The following NRG3 variants were observed in gnomAD, a reference collection of about 807,000 sequenced individuals.
The protein encoded by NRG3 is neuregulin 3.
A neutral mutation model predicts 66.9 loss-of-function variants in NRG3; 31 were observed. The observed-to-expected ratio is 0.46, with a 90% CI of 0.35 to 0.63. The LOEUF (loss-of-function observed/expected upper bound fraction) is 0.63, where lower values mean the gene tolerates loss of function less well. Among genes scored for constraint, NRG3 ranks in the 20% least tolerant of loss-of-function variants. NRG3 has a pLI of 0.00. For missense variants in NRG3, 910 were observed against 878.9 expected (o/e 1.04, Z -0.45); for synonymous variants, 393 against 359.4 (o/e 1.09, Z -1.06).
At chr10:82,624,448 A>G (rs867210206) in intron 2 of NRG3, among the ~76,000 whole-genome samples, 1 of 152,088 alleles carries the variant, frequency 6.6e-6, no homozygotes, top group Admixed American at 6.6e-5. Context: ...CCTTGTGGCA[A>G]AATCTAATGA....
chr10:82,686,043 C>T (rs1186515245), intron 2 of NRG3, among the ~76,000 whole-genome samples: 1 of 151,920 alleles, frequency 6.6e-6, no homozygotes, highest in South Asian at 2.1e-4. Context: ...CTTTTAATAC[C>T]GTGTACTCAG....
intron 2 of NRG3, among the ~76,000 whole-genome samples, chr10:82,374,109 T>G (rs1011075716): frequency 1.3e-5 from 2 of 152,228 alleles, no homozygotes; most frequent in African/African-American, 4.8e-5. Flanking sequence ...TCTCATTTTT[T>G]AGACGACAAA....
intron 2 of NRG3, among the ~76,000 whole-genome samples, chr10:82,534,511 C>A: frequency 6.6e-6 from 1 of 152,014 alleles, no homozygotes; most frequent in East Asian, 1.9e-4. Flanking sequence ...GTGATCCACC[C>A]ACCTCAGCCT....
intron 1 of NRG3, among the ~76,000 whole-genome samples, chr10:82,259,842 G>A (rs1410584438): frequency 6.6e-6 from 1 of 151,986 alleles, no homozygotes; most frequent in East Asian, 1.9e-4. Flanking sequence ...TGAGCGGGGA[G>A]GATCACTTGA....
intron 1 of NRG3, among the ~76,000 whole-genome samples, chr10:82,342,556 C>G (rs1286750513): frequency 6.6e-6 from 1 of 151,852 alleles, no homozygotes; most frequent in East Asian, 1.9e-4. Context: ...TTATTGGTTG[C>G]TTGTATGTTT....
chr10:81,929,612 A>G (rs1489458194), intron 1 of NRG3, among the ~76,000 whole-genome samples: 1 of 152,214 alleles, frequency 6.6e-6, no homozygotes, highest in Non-Finnish European at 1.5e-5. Flanking sequence ...GAAGTTGACT[A>G]CAATGTATTT....
At chr10:82,293,805 T>G (rs193129561) in intron 1 of NRG3, among the ~76,000 whole-genome samples, 1 of 152,276 alleles carries the variant, frequency 6.6e-6, no homozygotes, top group East Asian at 1.9e-4. Flanking sequence ...CCTCTTAATA[T>G]CTCGTAATTG....
chr10:82,626,769 A>C (rs1302717656), intron 2 of NRG3, among the ~76,000 whole-genome samples: 2 of 152,080 alleles, frequency 1.3e-5, no homozygotes, highest in Admixed American at 1.3e-4. Flanking sequence ...TTCCTGACTC[A>C]TGACAGTCAA....
chr10:82,699,077 A>C (rs1037766979), intron 2 of NRG3, among the ~76,000 whole-genome samples: 3 of 152,270 alleles, frequency 2.0e-5, no homozygotes, highest in Admixed American at 1.3e-4. Flanking sequence ...ATACGAATGT[A>C]TTATGGGTCT....
chr10:81,881,040 A>G (rs1279947036), intron 1 of NRG3, among the ~76,000 whole-genome samples: 1 of 152,176 alleles, frequency 6.6e-6, no homozygotes, highest in Non-Finnish European at 1.5e-5. Flanking sequence ...TCATGCAATT[A>G]TAAATAAAAT....
intron 1 of NRG3, among the ~76,000 whole-genome samples, chr10:82,006,601 C>CT (rs1263266412): frequency 4.0e-5 from 6 of 151,828 alleles, no homozygotes; most frequent in African/African-American, 1.2e-4. Flanking sequence ...TCAGAAGTTA[C>CT]TTTTTTTGTT....
intron 2 of NRG3, among the ~76,000 whole-genome samples, chr10:82,420,986 GA>G (rs1233228008): frequency 1.3e-5 from 2 of 152,106 alleles, no homozygotes; most frequent in Non-Finnish European, 2.9e-5. Flanking sequence ...GGCAGTGACA[GA>G]AGGGTGTGTT....
intron 1 of NRG3, among the ~76,000 whole-genome samples, chr10:82,141,029 G>A (rs150174139): frequency 2.7e-3 from 408 of 152,190 alleles, no homozygotes; most frequent in African/African-American, 9.3e-3. Context: ...GTATATACAT[G>A]TATAGGTATG....
chr10:82,500,860 T>C (rs1035915937), intron 2 of NRG3, among the ~76,000 whole-genome samples: 1 of 152,096 alleles, frequency 6.6e-6, no homozygotes, highest in Non-Finnish European at 1.5e-5. Context: ...GTATCAACAA[T>C]AAGCCTAGTA....
At chr10:82,913,839 T>A (rs1564625945) in intron 4 of NRG3, among the ~76,000 whole-genome samples, 3 of 152,200 alleles carry the variant, frequency 2.0e-5, no homozygotes, top group Non-Finnish European at 4.4e-5. Context: ...TTTGCCTTCA[T>A]CATTAATTTT....
chr10:82,916,992 A>T (rs1267717426), intron 4 of NRG3, among the ~76,000 whole-genome samples: 1 of 152,166 alleles, frequency 6.6e-6, no homozygotes, highest in African/African-American at 2.4e-5. Context: ...ATCAGTCAGA[A>T]TTTCTCCTGT....
intron 2 of NRG3, among the ~76,000 whole-genome samples, chr10:82,612,540 G>A (rs670621): frequency 0.081 from 12,255 of 152,186 alleles, 566 homozygotes; most frequent in East Asian, 0.14. Context: ...TGGCATTAAT[G>A]TGCAAGGAAG....
chr10:82,674,560 C>T (rs1591118765), intron 2 of NRG3, among the ~76,000 whole-genome samples: 1 of 152,090 alleles, frequency 6.6e-6, no homozygotes, highest in East Asian at 1.9e-4. Flanking sequence ...ATATAGTCCC[C>T]TTTATGATCC....
intron 1 of NRG3, among the ~76,000 whole-genome samples, chr10:82,319,239 C>T (rs1448632297): frequency 6.6e-6 from 1 of 152,356 alleles, no homozygotes. Flanking sequence ...TTGGTTACAT[C>T]TTCCCATCTG....
Sources: gnomAD v4.1 joint callset for allele counts (sites outside exome capture counted in the v4.1 genomes callset) on GRCh38, gnomAD v4.1.1 for gene constraint, MANE v1.5 for transcripts, NCBI Gene and HGNC (gene_info 2026-07-23, HGNC 2026-07-21) for gene names.